Variants in SEMA3A observed in about 807,000 individuals in gnomAD.
SEMA3A encodes the protein semaphorin 3A, also known as semaphorin-3A.
SEMA3A carries 29 observed loss-of-function variants against 97.9 expected under a neutral mutation model. The ratio of observed to expected loss-of-function variants is 0.30; its 90% CI spans 0.22 to 0.40. The LOEUF is 0.40. Among genes scored for constraint, SEMA3A ranks in the 10% least tolerant of loss-of-function variants. The probability of loss-of-function intolerance (pLI) is 1.00; values close to 1 mark genes in which losing one functional copy is unlikely to be tolerated. For missense variants in SEMA3A, 763 were observed against 951.3 expected, an observed-to-expected ratio of 0.80 and a Z score of 2.60; for synonymous variants, 321 against 323.7, an observed-to-expected ratio of 0.99 and a Z score of 0.09.
chr7:84,485,261 G>A (rs34930848), intron 1 of SEMA3A, among the ~76,000 whole-genome samples: 2 of 152,044 alleles, frequency 1.3e-5, no homozygotes, highest in South Asian at 4.1e-4. Context: ...CGCAGTATTG[G>A]ATGTGATAAA....
intron 1 of SEMA3A, among the ~76,000 whole-genome samples, chr7:84,409,925 G>T (rs887785526): frequency 6.6e-6 from 1 of 151,990 alleles, no homozygotes; most frequent in African/African-American, 2.4e-5. Flanking sequence ...ACAGAAATAT[G>T]AATTTTACTG....
At chr7:84,185,392 G>A (rs868346792) in intron 1 of SEMA3A, among the ~76,000 whole-genome samples, 40 of 133,544 alleles carry the variant, frequency 3.0e-4, no homozygotes, top group African/African-American at 1.1e-3. Flanking sequence ...GGGGCTGGGT[G>A]TGGGTGTGGT....
chr7:84,271,588 T>C (rs1435566636), intron 3 of SEMA3A, among the ~76,000 whole-genome samples: 1 of 152,114 alleles, frequency 6.6e-6, no homozygotes, highest in African/African-American at 2.4e-5. Context: ...CTGACAACTG[T>C]TATAAACCCG....
chr7:84,229,512 C>T (rs1467645957), intron 3 of SEMA3A, among the ~76,000 whole-genome samples: 1 of 152,072 alleles, frequency 6.6e-6, no homozygotes, highest in Admixed American at 6.6e-5. Flanking sequence ...TTTGCTTTTC[C>T]AGACAAATTC....
At chr7:84,087,711 G>A (rs1481480362) in intron 4 of SEMA3A, among the ~76,000 whole-genome samples, 1 of 152,154 alleles carries the variant, frequency 6.6e-6, no homozygotes, top group Non-Finnish European at 1.5e-5. Context: ...TCAATGTGCA[G>A]TAGTTGATTA....
chr7:84,488,604 A>G (rs1211506726), intron 1 of SEMA3A, among the ~76,000 whole-genome samples: 1 of 152,092 alleles, frequency 6.6e-6, no homozygotes, highest in Non-Finnish European at 1.5e-5. Flanking sequence ...TACCCTGAGG[A>G]GACAAACTTT....
chr7:84,060,805 TAAAC>T (rs1452757558), intron 4 of SEMA3A, among the ~76,000 whole-genome samples: 1 of 152,180 alleles, frequency 6.6e-6, no homozygotes, highest in Non-Finnish European at 1.5e-5. Flanking sequence ...AATGTGTAAA[TAAAC>T]TATAAAGAAC....
intron 1 of SEMA3A, among the ~76,000 whole-genome samples, chr7:84,388,046 T>C (rs1052567059): frequency 6.6e-6 from 1 of 152,110 alleles, no homozygotes; most frequent in African/African-American, 2.4e-5. Flanking sequence ...TATGTTAAAA[T>C]ATTGCCTTTA....
intron 1 of SEMA3A, among the ~76,000 whole-genome samples, chr7:84,150,956 G>T (rs1233803418): frequency 2.2e-4 from 33 of 150,262 alleles, no homozygotes; most frequent in Non-Finnish European, 3.1e-4. Flanking sequence ...AGCCTAACTG[G>T]GAGGCACCCC....
At chr7:84,099,171 C>A (rs1363994978) in intron 4 of SEMA3A, among the ~76,000 whole-genome samples, 1 of 70,466 alleles carries the variant, frequency 1.4e-5, no homozygotes, top group African/African-American at 3.4e-5. Context: ...CCCGGGTTCA[C>A]GCCATTCTCC....
At chr7:84,215,201 T>C (rs1798720278) in intron 3 of SEMA3A, among the ~76,000 whole-genome samples, 1 of 151,910 alleles carries the variant, frequency 6.6e-6, no homozygotes, top group Admixed American at 6.6e-5. Flanking sequence ...ATTTATTTTT[T>C]GGACGTGGAG....
chr7:84,321,097 TTTTAG>T (rs1801631892), intron 2 of SEMA3A, among the ~76,000 whole-genome samples: 1 of 152,154 alleles, frequency 6.6e-6, no homozygotes, highest in South Asian at 2.1e-4. Flanking sequence ...GTTTTCGAAA[TTTTAG>T]TTTACCTCGA....
intron 2 of SEMA3A, among the ~76,000 whole-genome samples, chr7:84,309,110 G>A (rs983132475): frequency 4.6e-5 from 7 of 152,094 alleles, no homozygotes; most frequent in African/African-American, 4.8e-5. Flanking sequence ...GAGCTACCAC[G>A]CCCGGCCAAA....
At chr7:84,407,566 A>G (rs974542802) in intron 1 of SEMA3A, among the ~76,000 whole-genome samples, 51 of 151,506 alleles carry the variant, frequency 3.4e-4, no homozygotes, top group African/African-American at 1.2e-3. Context: ...ATGGAACCAA[A>G]AAAGAGCCCA....
chr7:84,090,810 T>C (rs1164284520), intron 4 of SEMA3A, among the ~76,000 whole-genome samples: 1 of 152,016 alleles, frequency 6.6e-6, no homozygotes, highest in Non-Finnish European at 1.5e-5. Flanking sequence ...CTCACGCCTG[T>C]AATCCTAGCA....
chr7:84,193,853 A>G (rs1273746217), intron 1 of SEMA3A, among the ~76,000 whole-genome samples: 3 of 152,052 alleles, frequency 2.0e-5, no homozygotes, highest in Non-Finnish European at 4.4e-5. Context: ...ATAGAATTAA[A>G]TAACATAATA....
chr7:84,446,156 G>T (rs1330793739), intron 1 of SEMA3A, among the ~76,000 whole-genome samples: 1 of 152,110 alleles, frequency 6.6e-6, no homozygotes, highest in East Asian at 1.9e-4. Context: ...AAATCTTGAA[G>T]AAATAGAAAT....
intron 4 of SEMA3A, among the ~76,000 whole-genome samples, chr7:84,080,566 T>A (rs1440150443): frequency 1.0e-3 from 1 of 996 alleles, no homozygotes; most frequent in Admixed American, 0.021. Context: ...ATTCTTTTTT[T>A]TTTTTTTTTT....
chr7:84,438,843 T>A (rs914336605), intron 1 of SEMA3A, among the ~76,000 whole-genome samples: 1 of 152,026 alleles, frequency 6.6e-6, no homozygotes, highest in African/African-American at 2.4e-5. Context: ...AAAATATATA[T>A]TTTTTAATTT....
Sources: gnomAD v4.1 joint callset for allele counts (sites outside exome capture counted in the v4.1 genomes callset) on GRCh38, gnomAD v4.1.1 for gene constraint, MANE v1.5 for transcripts, NCBI Gene and HGNC (gene_info 2026-07-23, HGNC 2026-07-21) for gene names.